NXN: variants seen among roughly 807,000 people sequenced by gnomAD.
NXN encodes nucleoredoxin.
In NXN, 16 loss-of-function variants were observed where a neutral mutation model predicts 48.6. The ratio of observed to expected loss-of-function variants is 0.33; its 90% CI spans 0.22 to 0.50. NXN has a LOEUF of 0.50. Among genes scored for constraint, NXN ranks in the 20% least tolerant of loss-of-function variants. The pLI, the probability that NXN is intolerant of heterozygous loss-of-function variation, is 0.98. For synonymous variants in NXN, 281 were observed against 269.6 expected (o/e 1.04, Z -0.41); for missense variants, 492 against 605.5 (o/e 0.81, Z 1.97).
At chr17:964,297 C>G (rs573692430) in intron 1 of NXN, among the ~76,000 whole-genome samples, 1 of 151,758 alleles carries the variant, frequency 6.6e-6, no homozygotes. Context: ...TCTCTATTTG[C>G]CTGAACTGTT....
chr17:873,907 A>G (rs2068186747), intron 1 of NXN, among the ~76,000 whole-genome samples: 1 of 152,028 alleles, frequency 6.6e-6, no homozygotes, highest in Non-Finnish European at 1.5e-5. Context: ...AGCTTCCTCC[A>G]TTTCTCCAAC....
At chr17:845,061 A>G (rs1416703527) in intron 1 of NXN, among the ~76,000 whole-genome samples, 3 of 152,108 alleles carry the variant, frequency 2.0e-5, no homozygotes, top group African/African-American at 7.2e-5. Flanking sequence ...CACGTCCAGC[A>G]CAGACTCACA....
intron 6 of NXN, among the ~76,000 whole-genome samples, chr17:804,810 G>C (rs1032808460): frequency 6.6e-6 from 1 of 152,218 alleles, no homozygotes; most frequent in African/African-American, 2.4e-5. Context: ...GGCCCCGAGG[G>C]CATCCTCCCG....
In NXN at chr17:822,234, A is replaced by G. The variant is rs764969165; in HGVS notation, c.713+123T>C. ...GTGGAGGTTGCAGTGAGCTGAGATC[A>G]CACCACTGCACTCCAGCCTGGGAGA... On this transcript the variant is annotated intron_variant, in intron 4 of 7. Coordinates refer to ENST00000336868, the MANE Select transcript of NXN (RefSeq NM_022463.5). 5.0e-5 allele frequency: 32 copies of G among 634,114 alleles called. No individual in the cohort carries two copies. In the Admixed American group the frequency reaches 6.1e-4, roughly 12 times the overall value. The allele number at this position is 634,114 out of a possible 1,614,324, so 39.3% of individuals were successfully genotyped here. A position where few individuals can be genotyped will look rare whatever the true frequency, so the allele number is the denominator to read the frequency against.
chr17:913,948 G>A (rs189392044), intron 1 of NXN, among the ~76,000 whole-genome samples: 23 of 152,198 alleles, frequency 1.5e-4, no homozygotes, highest in African/African-American at 5.3e-4. Flanking sequence ...CGCCCAGACT[G>A]GAGTGCAGTG....
Position 849,027 on chromosome 17 carries a change from G to T in NXN, c.361-22949C>A, listed in dbSNP as rs2067895290. Among the ~76,000 whole-genome samples, 2 of 152,210 alleles carry T rather than the reference G, an allele frequency of 1.3e-5. No homozygotes were observed. The highest frequency in any genetic ancestry group is 4.8e-5 in the African/African-American group (2 of 41,454). On this transcript the variant is annotated intron_variant, in intron 1 of 7. Coordinates refer to ENST00000336868, the MANE Select transcript of NXN (RefSeq NM_022463.5). This position sits in a 1 kb window ranked among gnomAD's most constrained non-coding sequence, Gnocchi z 4.2. ...GGTATGGGGTCAGATCAAGACAAAG[G>T]TCTTCGCCTTCGAGAAAGGAAGGGA... is the stretch of plus-strand genomic sequence containing the variant.
intron 2 of NXN, among the ~76,000 whole-genome samples, chr17:824,466 C>T (rs1442546469): frequency 6.6e-6 from 1 of 152,158 alleles, no homozygotes; most frequent in Admixed American, 6.5e-5. Flanking sequence ...ACGAGGGACT[C>T]GGTTTGGGAA....
At chr17:879,259 T>C (rs1245343817) in intron 1 of NXN, among the ~76,000 whole-genome samples, 1 of 142,838 alleles carries the variant, frequency 7.0e-6, no homozygotes, top group Non-Finnish European at 1.5e-5. Context: ...TCTGGGTTTT[T>C]TTTGTTTTGG....
intron 1 of NXN, among the ~76,000 whole-genome samples, chr17:947,883 C>A (rs914750714): frequency 1.5e-3 from 176 of 119,106 alleles, no homozygotes; most frequent in Middle Eastern, 4.2e-3. Flanking sequence ...TACTGAAATA[C>A]AAAAAAAAAA....
intron 1 of NXN, chr17:842,562 C>T: frequency 1.0e-6 from 1 of 985,422 alleles, no homozygotes; most frequent in Non-Finnish European, 1.2e-6. Flanking sequence ...ACGGCACATC[C>T]CGAGACACGT....
rs374834022 is a variant in NXN, at chr17:970,938, T to G, written c.360+8381A>C. ...GCATGGCATGACAGGTCTGCAGATA[T>G]GAGACTCTTTTTTTTTTTTTTTTTT... On this transcript the variant is annotated intron_variant, in intron 1 of 7. Transcript: ENST00000336868. 1.3e-4 allele frequency among the ~76,000 whole-genome samples: 19 copies of G among 150,492 alleles called. No individual in the cohort carries two copies. The East Asian group carries it at 2.4e-3, about 19-fold the overall frequency.
chr17:883,098 G>A (rs79112635), intron 1 of NXN, among the ~76,000 whole-genome samples: 4,930 of 152,088 alleles, frequency 0.032, 279 homozygotes, highest in African/African-American at 0.11. Context: ...CGTGCACCTC[G>A]AGTCCTAGCT....
At chr17:886,681 G>A (rs769594136) in intron 1 of NXN, among the ~76,000 whole-genome samples, 4 of 151,964 alleles carry the variant, frequency 2.6e-5, no homozygotes, top group Non-Finnish European at 4.4e-5. Context: ...AGGAGACTGA[G>A]GCAGGAGAAT....
chr17:918,377 G>A (rs942924166), intron 1 of NXN, among the ~76,000 whole-genome samples: 17 of 152,146 alleles, frequency 1.1e-4, no homozygotes, highest in African/African-American at 3.1e-4. Context: ...GAGTTTCATC[G>A]CAGCGTTTCA....
At chr17:880,288 T>C (rs2068269446) in intron 1 of NXN, among the ~76,000 whole-genome samples, 1 of 152,152 alleles carries the variant, frequency 6.6e-6, no homozygotes, top group African/African-American at 2.4e-5. Context: ...GAGGCGTCTC[T>C]TTATTTCCTT....
intron 1 of NXN, among the ~76,000 whole-genome samples, chr17:835,307 CAAAAA>C (rs368573865): frequency 1.1e-5 from 1 of 91,284 alleles, no homozygotes; most frequent in Non-Finnish European, 2.3e-5. Context: ...GACTCTGTTT[CAAAAA>C]AAAAAAAAAA....
intron 1 of NXN, among the ~76,000 whole-genome samples, chr17:889,091 C>G (rs1304620871): frequency 1.3e-5 from 2 of 151,964 alleles, no homozygotes; most frequent in East Asian, 3.9e-4. Flanking sequence ...TTGTGGTTAA[C>G]CGATGGATTG....
chr17:830,556 C>T lies in NXN; in HGVS notation c.361-4478G>A, dbSNP rs1235676218. 6.6e-6 allele frequency among the ~76,000 whole-genome samples: 1 copy of T among 152,014 alleles called. No homozygotes were observed. The highest frequency in any genetic ancestry group is 2.4e-5 in the African/African-American group (1 of 41,380). ...CAAGAGCCCGTGTGGAGGCTGACTG[C>T]GAAAGTCTGAGTAGATGAGAGAACC... is the stretch of plus-strand genomic sequence containing the variant. On this transcript the variant is annotated intron_variant, in intron 1 of 7. Transcript: ENST00000336868. The surrounding 1 kb of genome is among the most constrained non-coding windows in gnomAD (Gnocchi z 4.2).
In NXN at chr17:842,581, G is replaced by A. The variant is rs959674047; in HGVS notation, c.361-16503C>T. ...CACATCCCGAGACACGTGGGGGCCC[G>A]TCTCCTCCTCCTTCCAGGAGTCACT... On this transcript the variant is annotated intron_variant, in intron 1 of 7. Coordinates refer to ENST00000336868, the MANE Select transcript of NXN (RefSeq NM_022463.5). The A allele has an allele frequency of 2.6e-5, 26 of 985,106 alleles. No individual in the cohort carries two copies. The East Asian group carries it at 6.8e-4, about 26-fold the overall frequency. The allele number at this position is 985,106 out of a possible 1,614,324, so 61.0% of individuals were successfully genotyped here.
Sources: allele counts gnomAD v4.1 joint callset (sites outside exome capture counted in the v4.1 genomes callset), GRCh38; gene constraint gnomAD v4.1.1; non-coding constraint Gnocchi (gnomAD v3.1); transcripts MANE v1.5; gene names NCBI Gene and HGNC (gene_info 2026-07-23, HGNC 2026-07-21).